Variants in PKP4 observed in about 807,000 individuals in gnomAD.
PKP4 encodes plakophilin 4.
A neutral mutation model predicts 145.1 loss-of-function variants in PKP4; 90 were observed. The observed-to-expected ratio is 0.62, with a 90% CI of 0.52 to 0.74. The LOEUF is 0.74. PKP4 is among the 30% of genes least tolerant of loss of function. The pLI is 0.00. For missense variants in PKP4, 1,340 were observed against 1,482.7 expected (o/e 0.90, Z 1.58); for synonymous variants, 563 against 577.2 (o/e 0.98, Z 0.35).
chr2:158,627,001 C>G (rs977935177), intron 7 of PKP4, among the ~76,000 whole-genome samples: 2 of 151,930 alleles, frequency 1.3e-5, no homozygotes, highest in Admixed American at 6.6e-5. Flanking sequence ...TTTATGTCTT[C>G]TAAGAAAATT....
At chr2:158,535,504 G>T (rs1003013197) in intron 2 of PKP4, among the ~76,000 whole-genome samples, 2 of 152,038 alleles carry the variant, frequency 1.3e-5, no homozygotes, top group African/African-American at 4.8e-5. Context: ...CAAACTCCTG[G>T]GCTCAAGCAA....
chr2:158,545,435 C>T (rs1409924253), intron 2 of PKP4, among the ~76,000 whole-genome samples: 2 of 152,184 alleles, frequency 1.3e-5, no homozygotes, highest in Admixed American at 6.5e-5. Flanking sequence ...AGGTCAGGTG[C>T]CCTTGTTAAA....
At chr2:158,540,675 A>G (rs1030271176) in intron 2 of PKP4, among the ~76,000 whole-genome samples, 1 of 152,184 alleles carries the variant, frequency 6.6e-6, no homozygotes, top group Non-Finnish European at 1.5e-5. Flanking sequence ...TAAACAGGCT[A>G]TCAGTATGTA....
intron 2 of PKP4, among the ~76,000 whole-genome samples, chr2:158,543,483 C>T (rs2044700228): frequency 1.3e-5 from 2 of 152,132 alleles, no homozygotes; most frequent in South Asian, 4.1e-4. Flanking sequence ...AAGATAGGTC[C>T]AGAGGCTAAT....
At position 158,620,648 on chromosome 2, in the gene PKP4, A is replaced by G. The variant is rs2052133553; in HGVS notation, c.281-342A>G. 3.9e-5 allele frequency among the ~76,000 whole-genome samples: 6 copies of G among 152,186 alleles called. 1 individual carries two copies. The South Asian group carries it at 1.2e-3, about 32-fold the overall frequency. ...TTGGAAGATGGAGGACCCTTCTTGA[A>G]ATACTTGGTCTCCATTCTCAGTCTT... is the stretch of plus-strand genomic sequence containing the variant. On this transcript the variant is annotated intron_variant, in intron 4 of 21. Coordinates refer to ENST00000389759, the MANE Select transcript of PKP4 (RefSeq NM_003628.6).
At chr2:158,581,123 G>C (rs1483458023) in intron 3 of PKP4, among the ~76,000 whole-genome samples, 1 of 152,222 alleles carries the variant, frequency 6.6e-6, no homozygotes, top group Non-Finnish European at 1.5e-5. Flanking sequence ...TGCATCTCCA[G>C]TGTGTTTCAA....
intron 2 of PKP4, among the ~76,000 whole-genome samples, chr2:158,551,435 C>G (rs1325648546): frequency 6.6e-6 from 1 of 152,170 alleles, no homozygotes; most frequent in South Asian, 2.1e-4. Flanking sequence ...CTGCCTGTTG[C>G]TCTACTAAAA....
At chr2:158,521,317 A>G (rs989037931) in intron 1 of PKP4, among the ~76,000 whole-genome samples, 3 of 152,204 alleles carry the variant, frequency 2.0e-5, no homozygotes, top group African/African-American at 7.2e-5. Context: ...CTAATTACTA[A>G]TAAGGTTGAG....
At chr2:158,660,990 T>C (rs1193032872) in intron 12 of PKP4, 1 of 165,156 alleles carries the variant, frequency 6.1e-6, no homozygotes, top group Non-Finnish European at 1.3e-5. Context: ...ACTCGTTTCT[T>C]CTTCACAGCA....
chr2:158,463,431 A>G (rs2105379145), intron 1 of PKP4, among the ~76,000 whole-genome samples: 1 of 150,892 alleles, frequency 6.6e-6, no homozygotes, highest in African/African-American at 2.4e-5. Flanking sequence ...AAAAAAAAGG[A>G]TATTTGAAAT....
At chr2:158,591,520 CA>C (rs1289146206) in intron 3 of PKP4, among the ~76,000 whole-genome samples, 4 of 151,912 alleles carry the variant, frequency 2.6e-5, no homozygotes, top group African/African-American at 9.7e-5. Flanking sequence ...GTAATAAATA[CA>C]AAGAGTGTTT....
intron 3 of PKP4, among the ~76,000 whole-genome samples, chr2:158,582,573 T>G (rs1332937311): frequency 6.6e-6 from 1 of 152,182 alleles, no homozygotes; most frequent in Non-Finnish European, 1.5e-5. Flanking sequence ...ACAATTCATG[T>G]GTCTGTAAGA....
intron 2 of PKP4, among the ~76,000 whole-genome samples, chr2:158,559,424 A>G (rs931992436): frequency 9.2e-5 from 14 of 152,064 alleles, no homozygotes; most frequent in African/African-American, 3.1e-4. Context: ...TGTCCCAGGC[A>G]TTAAGGTTGA....
chr2:158,522,648 C>T (rs1315826897), intron 1 of PKP4, among the ~76,000 whole-genome samples: 2 of 152,184 alleles, frequency 1.3e-5, no homozygotes, highest in Non-Finnish European at 2.9e-5. Flanking sequence ...CGAATAGGAA[C>T]AGCTCCGGTC....
At chr2:158,521,419 G>C (rs2042363881) in intron 1 of PKP4, among the ~76,000 whole-genome samples, 1 of 152,100 alleles carries the variant, frequency 6.6e-6, no homozygotes. Flanking sequence ...GATATTTCTA[G>C]TGAAAAATAA....
chr2:158,510,509 G>C (rs1257833702), intron 1 of PKP4, among the ~76,000 whole-genome samples: 3 of 152,188 alleles, frequency 2.0e-5, no homozygotes, highest in Non-Finnish European at 4.4e-5. Flanking sequence ...CTAGAGGAGT[G>C]AGTCATCGAA....
At chr2:158,589,930 T>C (rs1287912300) in intron 3 of PKP4, among the ~76,000 whole-genome samples, 1 of 152,054 alleles carries the variant, frequency 6.6e-6, no homozygotes, top group Non-Finnish European at 1.5e-5. Flanking sequence ...CATCCACTAG[T>C]GCGTTTTCAG....
chr2:158,620,131 A>T (rs954319128), intron 4 of PKP4, among the ~76,000 whole-genome samples: 2 of 152,188 alleles, frequency 1.3e-5, no homozygotes, highest in Non-Finnish European at 2.9e-5. Flanking sequence ...TCTGAAAGAA[A>T]GTTTGTTAAT....
intron 1 of PKP4, among the ~76,000 whole-genome samples, chr2:158,491,874 C>G (rs114408122): frequency 0.012 from 1,750 of 149,458 alleles, 33 homozygotes; most frequent in African/African-American, 0.04. Flanking sequence ...TGGCTCACTG[C>G]AGCTTCGACC....
Sources: allele counts gnomAD v4.1 joint callset (sites outside exome capture counted in the v4.1 genomes callset), GRCh38; gene constraint gnomAD v4.1.1; transcripts MANE v1.5; gene names NCBI Gene and HGNC (gene_info 2026-07-23, HGNC 2026-07-21).